EXOC3L1: variants seen among roughly 807,000 people sequenced by gnomAD.
EXOC3L1 encodes the protein exocyst complex component 3-like protein.
In EXOC3L1, 79 loss-of-function variants were observed where a neutral mutation model predicts 83.6. The observed-to-expected ratio is 0.95, with a 90% CI of 0.79 to 1.14. The LOEUF (loss-of-function observed/expected upper bound fraction) is 1.14. EXOC3L1 is among the 50% of genes most tolerant of loss of function. The pLI is 0.00. For synonymous variants in EXOC3L1, 433 were observed against 451.2 expected, an observed-to-expected ratio of 0.96 and a Z score of 0.51; for missense variants, 945 against 972.0, an observed-to-expected ratio of 0.97 and a Z score of 0.37.
chr16:67,187,879 C>T (rs769978797), intron 4 of EXOC3L1, 42 bp from the exon 5 acceptor site: 1 of 1,532,668 alleles, frequency 6.5e-7, no homozygotes, highest in South Asian at 1.3e-5. Flanking sequence ...TCTCAGCCTT[C>T]CCACCGCCTC....
In EXOC3L1 at chr16:67,188,899, C is replaced by T. The variant is rs769832669; in HGVS notation, c.249G>A (p.Val83=). The change falls in exon 4 of 14, where the codon GTG becomes GTA. Residue 83 remains valine (V), a synonymous_variant. Coordinates refer to ENST00000314586, the MANE Select transcript of EXOC3L1 (RefSeq NM_178516.4). ...QSYLEGVQTG[V]WQLAQAIEVV... ...CCTCAATGGCCTGGGCCAGCTGCCA[C>T]ACACCAGTCTGCACGCCTTCCAGGT... 1.2e-6 allele frequency: 2 copies of T among 1,613,100 alleles called. No homozygotes were observed. Among genetic ancestry groups the T allele is most frequent in the Admixed American group, 3.3e-5 (2 of 60,016 alleles).
In EXOC3L1 at chr16:67,188,796, C is replaced by G; in HGVS notation, c.352G>C (p.Glu118Gln). 1 of 1,613,326 alleles carries G rather than the reference C, an allele frequency of 6.2e-7. No individual in the cohort carries two copies. Among genetic ancestry groups the G allele is most frequent in the Non-Finnish European group, 8.5e-7 (1 of 1,180,018 alleles). Residue 118 changes from glutamate to glutamine, a missense_variant, in exon 4 of 14, where the codon GAG (glutamate) becomes CAG (glutamine). Transcript: ENST00000314586. ...TGGGCAACCCGCTCCCGTAGGGGCT[C>G]TAGAGTCTGTAAGGCCTGGGACATG... is the stretch of plus-strand genomic sequence containing the variant. ...QGMSQALQTL[E>Q]PLRERVAQHK...
Position 67,188,935 on chromosome 16 carries a change from CACTG to C in EXOC3L1, c.209_212del (p.Ser70Ter). 6.2e-7 allele frequency: 1 copy of C among 1,612,636 alleles called. No individual in the cohort carries two copies. ...GCACGCCTTCCAGGTATGACTGCAT[CACTG>C]ACTGTGGAAAGATGGAGCCATGAGG... On this transcript the variant is annotated frameshift_variant and splice_region_variant, in exon 4 of 14. Coordinates refer to ENST00000314586, the MANE Select transcript of EXOC3L1 (RefSeq NM_178516.4). LOFTEE classifies it high-confidence loss of function.
At position 67,186,275 on chromosome 16, in the gene EXOC3L1, G is replaced by T; in HGVS notation, c.1458C>A (p.Pro486=). Reference sequence around the variant, plus strand: ...TGTGGTTGAGGGCGGCCAGTAGGTAGGGCACGTAATGAGGGGCCATTGATT... The same window carrying T: ...TGTGGTTGAGGGCGGCCAGTAGGTATGGCACGTAATGAGGGGCCATTGATT... ...RGKSMAPHYV[P]YLLAALNHKS... The change falls in exon 9 of 14, where the codon CCC becomes CCA. Residue 486 remains proline, a synonymous_variant. Coordinates refer to ENST00000314586, the MANE Select transcript of EXOC3L1 (RefSeq NM_178516.4). 1 of 1,579,088 alleles carries T rather than the reference G, an allele frequency of 6.3e-7. No homozygotes were observed. The highest frequency in any genetic ancestry group is 1.2e-5 in the South Asian group (1 of 86,326).
chr16:67,186,554 A>C lies in EXOC3L1; in HGVS notation c.1385+3T>G. On this transcript the variant is annotated splice_donor_region_variant and intron_variant, in intron 8 of 13. Coordinates refer to ENST00000314586, the MANE Select transcript of EXOC3L1 (RefSeq NM_178516.4). ...TCAGGAATGGGTCAGTGCCTCAGCAAACCTCCTCAAGAATGTGCCCAGTTC... is the reference window on the plus strand; with the variant it reads ...TCAGGAATGGGTCAGTGCCTCAGCACACCTCCTCAAGAATGTGCCCAGTTC... The C allele has an allele frequency of 6.2e-7, 1 of 1,613,366 alleles. No homozygotes were observed. The highest frequency in any genetic ancestry group is 1.3e-5 in the African/African-American group (1 of 74,922).
At position 67,189,503 on chromosome 16, in the gene EXOC3L1, C is replaced by T. The variant is rs570095329; in HGVS notation, c.46+128G>A. 7.0e-6 allele frequency: 8 copies of T among 1,149,970 alleles called. No individual in the cohort carries two copies. In the African/African-American group the frequency reaches 1.2e-4, roughly 18 times the overall value. 71.2% of individuals were successfully genotyped at this position (1,149,970 alleles called of 1,614,324 possible). ...TGTTGGCCAGGTTGGTTTGGAGCTC[C>T]TGACCTCAGGTCATCTGCCCATCTT... On this transcript the variant is annotated intron_variant, in intron 2 of 13. Transcript: ENST00000314586.
chr16:67,189,166 C>G lies in EXOC3L1; in HGVS notation c.61G>C (p.Glu21Gln). The change falls in exon 3 of 14, where the codon GAG (glutamate) becomes CAG (glutamine). Residue 21 changes from glutamate (E) to glutamine (Q), a missense_variant. By Grantham distance (29) the Glu-to-Gln change is conservative. Coordinates refer to ENST00000314586, the MANE Select transcript of EXOC3L1 (RefSeq NM_178516.4). ...GCCAGCTGCTCTGCCCGCTCCTGCT[C>G]TGGCCACTCAGGTCCTGGGAAGGAA... ...PALSPGPEWP[E>Q]QERAEQLARG... The G allele has an allele frequency of 1.2e-6, 2 of 1,601,516 alleles. No individual in the cohort carries two copies. Among genetic ancestry groups the G allele is most frequent in the Non-Finnish European group, 1.7e-6 (2 of 1,175,938 alleles).
chr16:67,185,486 A>G lies in EXOC3L1; in HGVS notation c.1501T>C (p.Ser501Pro). Residue 501 changes from serine to proline, a missense_variant, in exon 10 of 14, where the codon TCA (serine) becomes CCA (proline). By Grantham distance (74) the Ser-to-Pro change is moderately conservative. Coordinates refer to ENST00000314586, the MANE Select transcript of EXOC3L1 (RefSeq NM_178516.4). ...ALNHKSALSS[S>P]VSVLQLDGAP... ...CCGTCCAGCTGCAGGACAGACACTG[A>G]GGAGCTGGACCAAGCAAAACTACGG... 2 of 1,607,068 alleles carry G rather than the reference A, an allele frequency of 1.2e-6. No homozygotes were observed. Among genetic ancestry groups the G allele is most frequent in the Non-Finnish European group, 1.7e-6 (2 of 1,179,932 alleles).
Position 67,185,253 on chromosome 16 carries a change from CAG to C in EXOC3L1, c.1630_1631del (p.Leu544ValfsTer14). On this transcript the variant is annotated frameshift_variant, in exon 11 of 14. Coordinates refer to ENST00000314586, the MANE Select transcript of EXOC3L1 (RefSeq NM_178516.4). LOFTEE classifies it high-confidence loss of function. ...LEALQAELQP[L>X]FADLPSRQWL... ...ATTGGCGCGAGGGCAGATCCGCGAA[CAG>C]GGGCTGGGGAAATGATCCAGATCTG... 1 of 1,613,574 alleles carries C rather than the reference CAG, an allele frequency of 6.2e-7. No homozygotes were observed. Among genetic ancestry groups the C allele is most frequent in the Non-Finnish European group, 8.5e-7 (1 of 1,180,034 alleles).
Position 67,184,609 on chromosome 16 carries a change from AG to A in EXOC3L1, c.2031-6del. The A allele has an allele frequency of 1.3e-6, 2 of 1,585,380 alleles. No homozygotes were observed. The highest frequency in any genetic ancestry group is 1.7e-6 in the Non-Finnish European group (2 of 1,171,356). ...AGGGCGGAGACGTGGTCCTCGCTGCAGGGGCACCAAGGAGGCGCGTCAGCCC... is the reference window on the plus strand; with the variant it reads ...AGGGCGGAGACGTGGTCCTCGCTGCAGGGCACCAAGGAGGCGCGTCAGCCC... On this transcript the variant is annotated splice_region_variant and splice_polypyrimidine_tract_variant and intron_variant, in intron 13 of 13. Transcript: ENST00000314586.
At chr16:67,186,461 C>G (rs2032725186) in intron 8 of EXOC3L1, 96 bp downstream of exon 8, 1 of 1,453,096 alleles carries the variant, frequency 6.9e-7, no homozygotes, top group Non-Finnish European at 9.6e-7. Flanking sequence ...TTTGAAAGAG[C>G]CCTTTCCCTG....
rs374156443 is a variant in EXOC3L1 at position 67,184,708 on chromosome 16, G to T, written c.2008C>A (p.Arg670=). The T allele has an allele frequency of 6.3e-7, 1 of 1,576,182 alleles. No individual in the cohort carries two copies. Residue 670 remains arginine (R), a synonymous_variant, in exon 13 of 14, where the codon CGG becomes AGG. Transcript: ENST00000314586. ...CACCTCACGTCGGGAAATTGTTGCC[G>T]CAGGCCAGCCACCTCCAGGCCCAGC... ...ALLGLEVAGL[R]QQFPDVSEDH... is the part of the protein sequence containing the mutation.
At chr16:67,186,961 C>T in intron 6 of EXOC3L1, 60 bp downstream of exon 6, 10 of 1,612,290 alleles carry the variant, frequency 6.2e-6, no homozygotes, top group Non-Finnish European at 8.5e-6. Flanking sequence ...TTCCACTCTG[C>T]AGATAAAGGC....
At chr16:67,185,315 C>T in intron 10 of EXOC3L1, 46 bp downstream of exon 10, 2 of 1,612,972 alleles carry the variant, frequency 1.2e-6, no homozygotes, top group Non-Finnish European at 1.7e-6. Context: ...GTAGCTGTAC[C>T]GCCACCTCTC....
In EXOC3L1 at chr16:67,186,357, G is replaced by T; in HGVS notation, c.1386-10C>A. ...CAGAGCATCACTGAAGCTGCAATGG[G>T]CAGAGGTGGCTCCTGGACTTGCTGC... is the stretch of plus-strand genomic sequence containing the variant. On this transcript the variant is annotated splice_polypyrimidine_tract_variant and intron_variant, in intron 8 of 13. Coordinates refer to ENST00000314586, the MANE Select transcript of EXOC3L1 (RefSeq NM_178516.4). 6.5e-7 allele frequency: 1 copy of T among 1,549,556 alleles called. No homozygotes were observed. The highest frequency in any genetic ancestry group is 2.4e-5 in the East Asian group (1 of 41,238).
intron 6 of EXOC3L1, 33 bp downstream of exon 6, chr16:67,186,988 G>A (rs373955865): frequency 7.4e-6 from 12 of 1,611,744 alleles, no homozygotes; most frequent in Middle Eastern, 1.6e-4. Context: ...CAGATAAGTA[G>A]GACTTCTCTG....
chr16:67,185,044 T>G lies in EXOC3L1; in HGVS notation c.1763A>C (p.Glu588Ala). Residue 588 changes from glutamate (E) to alanine (A), a missense_variant, in exon 12 of 14, where the codon GAG becomes GCG. By Grantham distance (107) the Glu-to-Ala change is moderately radical (BLOSUM62 -1). Transcript: ENST00000314586. ...RNPTVQLLLA[E>A]AERAVVLQYL... The stretch of plus-strand genomic sequence containing the variant: ...CTGGAGCACCACGGCACGCTCGGCC[T>G]CAGCCAGCAGCAGCTGCGGGGAGGC... 1.2e-6 allele frequency: 2 copies of G among 1,609,542 alleles called. No homozygotes were observed. Among genetic ancestry groups the G allele is most frequent in the South Asian group, 1.1e-5 (1 of 90,874 alleles).
At chr16:67,184,653 G>T in intron 13 of EXOC3L1, 33 bp downstream of exon 13, 1 of 1,580,160 alleles carries the variant, frequency 6.3e-7, no homozygotes, top group Non-Finnish European at 8.6e-7. Flanking sequence ...CCCGCCCTCC[G>T]GCTTCTCTTC....
chr16:67,187,687 A>G lies in EXOC3L1; in HGVS notation c.578T>C (p.Leu193Pro), dbSNP rs2032768363. The G allele has an allele frequency of 2.5e-6, 4 of 1,612,914 alleles. No individual in the cohort carries two copies. In the East Asian group the frequency reaches 8.9e-5, roughly 36 times the overall value. The part of the protein sequence containing the change: ...LELPVFQGLD[L>P]LFEALGQAVE... ...AGCCTGGCCCAGTGCCTCGAACAGA[A>G]GGTCCAGCCCCTGGAAGACTGGCAA... The change falls in exon 5 of 14, where the codon CTT (leucine) becomes CCT (proline). Residue 193 changes from leucine to proline, a missense_variant. Leu to Pro is a moderately conservative substitution (Grantham distance 98, BLOSUM62 -3). Coordinates refer to ENST00000314586, the MANE Select transcript of EXOC3L1 (RefSeq NM_178516.4).
Sources: gnomAD v4.1 joint callset for allele counts on GRCh38, gnomAD v4.1.1 for gene constraint, MANE v1.5 for transcripts, NCBI Gene and HGNC (gene_info 2026-07-23, HGNC 2026-07-21) for gene names.